DIP2A: variants seen among roughly 807,000 people sequenced by gnomAD.
The protein encoded by DIP2A is disco-interacting protein 2 homolog A.
DIP2A carries 85 observed loss-of-function variants against 177.4 expected under a neutral mutation model. That is an observed-to-expected ratio of 0.48 (90% confidence interval 0.40 to 0.57). The LOEUF is 0.57. Ranked by LOEUF, DIP2A falls within the 20% of genes least tolerant of loss-of-function variation. DIP2A has a pLI of 0.00. For missense variants in DIP2A, 1,791 were observed against 2,100.2 expected (o/e 0.85, Z 2.88); for synonymous variants, 886 against 881.8 (o/e 1.00, Z -0.08).
chr21:46,472,748 C>T (rs1049803127), intron 1 of DIP2A, among the ~76,000 whole-genome samples: 2 of 152,156 alleles, frequency 1.3e-5, no homozygotes, highest in South Asian at 4.1e-4. Context: ...ACTTGATTCT[C>T]TGGAGTCTAG....
chr21:46,479,443 C>T (rs2056173565), intron 1 of DIP2A, among the ~76,000 whole-genome samples: 1 of 152,144 alleles, frequency 6.6e-6, no homozygotes. Context: ...ATTTAAAAAG[C>T]CCGCTTTTAA....
At chr21:46,521,684 C>T (rs117263369) in intron 8 of DIP2A, among the ~76,000 whole-genome samples, 1 of 152,278 alleles carries the variant, frequency 6.6e-6, no homozygotes, top group Non-Finnish European at 1.5e-5. Context: ...GATTCATGCT[C>T]CAAGAAAACT....
Position 46,497,946 on chromosome 21 carries a change from A to G in DIP2A, c.404-636A>G, listed in dbSNP as rs188049960. 3.9e-5 allele frequency among the ~76,000 whole-genome samples: 6 copies of G among 152,376 alleles called. No homozygotes were observed. The East Asian group carries it at 1.2e-3, about 29-fold the overall frequency. On this transcript the variant is annotated intron_variant, in intron 4 of 37. Coordinates refer to ENST00000417564, the MANE Select transcript of DIP2A (RefSeq NM_015151.4). ...TAATGTTTTAATAATTGTAAAACCCATAATGAAACACACAGTCATGCTGAC... is the reference window on the plus strand; with the variant it reads ...TAATGTTTTAATAATTGTAAAACCCGTAATGAAACACACAGTCATGCTGAC...
In DIP2A at chr21:46,519,860, T is replaced by A. The variant is rs949140105; in HGVS notation, c.1102+8246T>A. ...GAATTAGAATATTGATCTAGATTTTTTTTTTTTTTTTTTTTTTTTTTTTTT... is the reference window on the plus strand; with the variant it reads ...GAATTAGAATATTGATCTAGATTTTATTTTTTTTTTTTTTTTTTTTTTTTT... On this transcript the variant is annotated intron_variant, in intron 8 of 37. Transcript: ENST00000417564. 5.5e-4 allele frequency among the ~76,000 whole-genome samples: 22 copies of A among 39,786 alleles called. No individual in the cohort carries two copies. In the East Asian group the frequency reaches 0.013, roughly 24 times the overall value. The allele number at this position is 39,786 out of a possible 152,430, so 26.1% of individuals were successfully genotyped here.
rs1437408515 is a variant in DIP2A, at chr21:46,534,617, G to A, written c.1572G>A (p.Gly524=). 6.2e-7 allele frequency: 1 copy of A among 1,613,268 alleles called. No individual in the cohort carries two copies. Among genetic ancestry groups the A allele is most frequent in the Admixed American group, 1.7e-5 (1 of 59,978 alleles). ...CCAGCAAAGAAGGCAGTACGGTGGG[G>A]GTCACAGTGTCCCACGCATCCCTGC... ...YKTSKEGSTV[G]VTVSHASLLA... Residue 524 remains glycine (G), a synonymous_variant, in exon 13 of 38, where the codon GGG becomes GGA. Transcript: ENST00000417564.
rs532830320 is a variant in DIP2A at position 46,477,343 on chromosome 21, A to G, written c.92-7414A>G. Among the ~76,000 whole-genome samples, 7 of 151,728 alleles carry G rather than the reference A, an allele frequency of 4.6e-5. No homozygotes were observed. The East Asian group carries it at 1.2e-3, about 26-fold the overall frequency. ...GCAGATCAAGACCAGCCTGGTCAAC[A>G]TGGTGAAACCTTGTCTCTACTAAAA... is the stretch of plus-strand genomic sequence containing the variant. On this transcript the variant is annotated intron_variant, in intron 1 of 37. Coordinates refer to ENST00000417564, the MANE Select transcript of DIP2A (RefSeq NM_015151.4).
At chr21:46,476,652 A>AT (rs111428142) in intron 1 of DIP2A, among the ~76,000 whole-genome samples, 2,823 of 129,886 alleles carry the variant, frequency 0.022, 171 homozygotes, top group Admixed American at 0.13. Flanking sequence ...GCATCACTCT[A>AT]TTTTTTTTTT....
intron 5 of DIP2A, among the ~76,000 whole-genome samples, chr21:46,503,632 CTTTCCTTTCTTTCTTTCTT>C (rs1568987372): frequency 2.3e-5 from 3 of 130,844 alleles, no homozygotes; most frequent in South Asian, 2.4e-4. Context: ...TTCTTTCTTT[CTTTCCTTTCTTTCTTTCTT>C]TTTCTTTCTT....
chr21:46,522,664 A>T (rs1044422450), intron 8 of DIP2A, among the ~76,000 whole-genome samples: 1 of 152,154 alleles, frequency 6.6e-6, no homozygotes, highest in Non-Finnish European at 1.5e-5. Flanking sequence ...TTTCCTCCCT[A>T]GTTATTACAC....
At chr21:46,471,248 C>G (rs942955962) in intron 1 of DIP2A, among the ~76,000 whole-genome samples, 4 of 152,144 alleles carry the variant, frequency 2.6e-5, no homozygotes, top group African/African-American at 7.2e-5. Flanking sequence ...CCAGGCTAGT[C>G]TTGAACTCCT....
In DIP2A at chr21:46,558,355, A is replaced by G; in HGVS notation, c.3931A>G (p.Thr1311Ala). The change falls in exon 32 of 38, where the codon ACG (threonine) becomes GCG (alanine). Residue 1311 changes from threonine to alanine, a missense_variant. Thr to Ala is a moderately conservative substitution (Grantham distance 58, BLOSUM62 0). Coordinates refer to ENST00000417564, the MANE Select transcript of DIP2A (RefSeq NM_015151.4). ...CCTGCCGGCCCGCGCCGTAAGCACC[A>G]CGTTCGGGTGCAGGGTCAACGTGGC... Reference protein sequence around the residue: ...LGLPARAVSTTFGCRVNVAIC... With the variant: ...LGLPARAVSTAFGCRVNVAIC... 1.2e-6 allele frequency: 2 copies of G among 1,604,944 alleles called. No individual in the cohort carries two copies. The highest frequency in any genetic ancestry group is 8.5e-7 in the Non-Finnish European group (1 of 1,176,756).
chr21:46,542,898 A>G (rs11701512), intron 18 of DIP2A, among the ~76,000 whole-genome samples: 127,212 of 152,260 alleles, frequency 0.84, 53,469 homozygotes, highest in African/African-American at 0.92. Flanking sequence ...CGGCTGTGCT[A>G]ACCGGCTGTG....
At chr21:46,497,321 A>G (rs2057412854) in intron 4 of DIP2A, among the ~76,000 whole-genome samples, 2 of 152,344 alleles carry the variant, frequency 1.3e-5, no homozygotes, top group Non-Finnish European at 2.9e-5. Context: ...CTTGCTTTCT[A>G]TAAGACTTTT....
rs1266358797 is a variant in DIP2A at position 46,556,880 on chromosome 21, C to T, written c.3499-59C>T. On this transcript the variant is annotated intron_variant, in intron 29 of 37. Transcript: ENST00000417564. This position sits in a 1 kb window ranked among gnomAD's most constrained non-coding sequence, Gnocchi z 4.5. ...GTGAACAGCGGACACTGCCATCCACCCTCTCCCCTCCTGAATTTCATTTCA... is the reference window on the plus strand; with the variant it reads ...GTGAACAGCGGACACTGCCATCCACTCTCTCCCCTCCTGAATTTCATTTCA... The T allele has an allele frequency of 1.4e-6, 2 of 1,440,870 alleles. No individual in the cohort carries two copies. The highest frequency in any genetic ancestry group is 1.9e-6 in the Non-Finnish European group (2 of 1,075,152). The allele number at this position is 1,440,870 out of a possible 1,614,324, so 89.3% of individuals were successfully genotyped here.
At chr21:46,511,037 G>A (rs752985464) in intron 7 of DIP2A, among the ~76,000 whole-genome samples, 19 of 152,126 alleles carry the variant, frequency 1.2e-4, no homozygotes, top group Non-Finnish European at 2.4e-4. Flanking sequence ...TGTGTGAGTG[G>A]GCCACCAGGT....
chr21:46,565,666 C>T (rs766465518), intron 35 of DIP2A, 47 bp from the exon 36 acceptor site: 1 of 1,557,376 alleles, frequency 6.4e-7, no homozygotes. Flanking sequence ...AGAATCTGAA[C>T]TCGGTGGTTG....
At chr21:46,548,997 G>A (rs770532253) in intron 21 of DIP2A, among the ~76,000 whole-genome samples, 5 of 152,224 alleles carry the variant, frequency 3.3e-5, no homozygotes, top group Non-Finnish European at 5.9e-5. Context: ...AGTTTCAGAA[G>A]TTTTAACACA....
At chr21:46,551,396 C>G (rs1351784398) in intron 23 of DIP2A, among the ~76,000 whole-genome samples, 1 of 152,172 alleles carries the variant, frequency 6.6e-6, no homozygotes, top group Non-Finnish European at 1.5e-5. Context: ...CAAATCGTAT[C>G]CTCTGAGATG....
At chr21:46,477,618 G>A (rs1021082886) in intron 1 of DIP2A, among the ~76,000 whole-genome samples, 3 of 137,376 alleles carry the variant, frequency 2.2e-5, no homozygotes, top group African/African-American at 8.1e-5. Context: ...CTGTCGCCCA[G>A]GCTGGAGTAC....
Sources: allele counts gnomAD v4.1 joint callset (sites outside exome capture counted in the v4.1 genomes callset), GRCh38; gene constraint gnomAD v4.1.1; non-coding constraint Gnocchi (gnomAD v3.1); transcripts MANE v1.5; gene names NCBI Gene and HGNC (gene_info 2026-07-23, HGNC 2026-07-21).